The following LTAP1 variants were observed in gnomAD, a reference collection of about 807,000 sequenced individuals.
LTAP1 encodes the protein HCV NS5A-transactivated protein 4.
chr1:154,213,948 T>C, the LTAP1 span: 2 of 1,612,320 alleles, frequency 1.2e-6, no homozygotes, highest in Non-Finnish European at 1.7e-6. Context: ...TGTAGCAACC[T>C]GTTGAGGAAA....
At chr1:154,212,656 C>G in the LTAP1 span, 1 of 1,612,180 alleles carries the variant, frequency 6.2e-7, no homozygotes, top group East Asian at 2.2e-5. Flanking sequence ...GATATCTCTT[C>G]TCATTCTTTA....
At chr1:154,217,658 G>A in the LTAP1 span, among the ~76,000 whole-genome samples, 3 of 151,878 alleles carry the variant, frequency 2.0e-5, no homozygotes, top group Non-Finnish European at 2.9e-5. Flanking sequence ...TCAGCGTCCC[G>A]AGTAGTTAGG....
chr1:154,210,728 C>T, the LTAP1 span, among the ~76,000 whole-genome samples: 1 of 152,138 alleles, frequency 6.6e-6, no homozygotes, highest in Admixed American at 6.5e-5. Flanking sequence ...ATCCACCTGC[C>T]TCGGCCTCCC....
chr1:154,215,514 C>T, the LTAP1 span, among the ~76,000 whole-genome samples: 6 of 149,770 alleles, frequency 4.0e-5, no homozygotes, highest in East Asian at 6.0e-4. Flanking sequence ...TGCAGTGAGC[C>T]GAGATTGCGC....
the LTAP1 span, chr1:154,212,763 G>C: frequency 1.2e-6 from 1 of 853,468 alleles, no homozygotes; most frequent in Non-Finnish European, 1.8e-6. Flanking sequence ...CTAGGTTTGA[G>C]CAATTCTCTA....
the LTAP1 span, among the ~76,000 whole-genome samples, chr1:154,209,649 C>T: frequency 1.6e-4 from 24 of 151,620 alleles, 1 homozygote; most frequent in Middle Eastern, 0.01. Flanking sequence ...TGCAGTGGCG[C>T]GATCTTGGCT....
the LTAP1 span, among the ~76,000 whole-genome samples, chr1:154,215,144 C>T: frequency 6.6e-6 from 1 of 152,100 alleles, no homozygotes; most frequent in Non-Finnish European, 1.5e-5. Flanking sequence ...TGCGCCCAGC[C>T]TCTCTTGCCT....
At chr1:154,212,418 G>A in the LTAP1 span, 9 of 1,614,074 alleles carry the variant, frequency 5.6e-6, no homozygotes, top group Non-Finnish European at 7.6e-6. Context: ...CTCTCAGTCT[G>A]AGGGATCTCT....
chr1:154,212,153 G>C, the LTAP1 span: 1 of 768,944 alleles, frequency 1.3e-6, no homozygotes, highest in Non-Finnish European at 2.2e-6. Flanking sequence ...CACTGTGCCC[G>C]GCCGCATCTG....
the LTAP1 span, chr1:154,220,571 CAGGAGAGCTGGGAA>C: frequency 1.5e-6 from 1 of 684,024 alleles, no homozygotes; most frequent in Non-Finnish European, 2.5e-6. Context: ...GGCGGACAGG[CAGGAGAGCTGGGAA>C]AGGAGAACGA....
the LTAP1 span, chr1:154,212,306 C>G: frequency 6.2e-7 from 1 of 1,614,040 alleles, no homozygotes; most frequent in Non-Finnish European, 8.5e-7. Context: ...TGACACGTTC[C>G]CCTCCAAACT....
chr1:154,214,043 T>A, the LTAP1 span: 1 of 1,091,442 alleles, frequency 9.2e-7, no homozygotes, highest in Non-Finnish European at 1.4e-6. Flanking sequence ...TTTGGGAGGC[T>A]GAGGTGGGTG....
the LTAP1 span, among the ~76,000 whole-genome samples, chr1:154,214,099 GA>G: frequency 1.3e-5 from 2 of 152,148 alleles, no homozygotes; most frequent in African/African-American, 4.8e-5. Flanking sequence ...CCAACATGGA[GA>G]AACCCCGTCT....
chr1:154,214,543 G>A, the LTAP1 span: 2 of 1,613,708 alleles, frequency 1.2e-6, no homozygotes, highest in South Asian at 2.2e-5. Context: ...CTGAACCCTG[G>A]AGAGTCGAAT....
chr1:154,209,768 T>C, the LTAP1 span, among the ~76,000 whole-genome samples: 1 of 150,826 alleles, frequency 6.6e-6, no homozygotes, highest in Non-Finnish European at 1.5e-5. Flanking sequence ...TTTTTTTTTG[T>C]ATTTTTAGTA....
At chr1:154,214,477 A>G in the LTAP1 span, 3 of 1,613,014 alleles carry the variant, frequency 1.9e-6, no homozygotes, top group Non-Finnish European at 2.5e-6. Flanking sequence ...CTGGGTTTCC[A>G]GTTGTAGTAG....
At chr1:154,210,355 T>G in the LTAP1 span, among the ~76,000 whole-genome samples, 3 of 152,164 alleles carry the variant, frequency 2.0e-5, no homozygotes, top group Non-Finnish European at 4.4e-5. Context: ...CTTTCATCTT[T>G]TAAGACAACG....
At chr1:154,217,534 G>T in the LTAP1 span, among the ~76,000 whole-genome samples, 1 of 151,672 alleles carries the variant, frequency 6.6e-6, no homozygotes, top group African/African-American at 2.4e-5. Context: ...ACTCAGCATG[G>T]TTTTTTTGTT....
At chr1:154,212,824 G>C in the LTAP1 span, 24 of 570,552 alleles carry the variant, frequency 4.2e-5, no homozygotes, top group African/African-American at 4.3e-4. Context: ...ACCATGCCAG[G>C]CTTATTTTTG....
Sources: gnomAD v4.1 joint callset for allele counts (sites outside exome capture counted in the v4.1 genomes callset) on GRCh38, gnomAD v4.1.1 for gene constraint, MANE v1.5 for transcripts, NCBI Gene and HGNC (gene_info 2026-07-23, HGNC 2026-07-21) for gene names.